The following SORCS2 variants were observed in gnomAD, a reference collection of about 807,000 sequenced individuals.
SORCS2 encodes the protein VPS10 domain-containing receptor SorCS2.
In SORCS2, 100 loss-of-function variants were observed where a neutral mutation model predicts 141.6. The observed-to-expected ratio is 0.71, with a 90% confidence interval of 0.60 to 0.83. The LOEUF is 0.83. Among genes scored for constraint, SORCS2 ranks in the 40% least tolerant of loss-of-function variants. SORCS2 has a pLI of 0.00. For missense variants in SORCS2, 1,646 were observed against 1,560.2 expected (o/e 1.05, Z -0.93); for synonymous variants, 789 against 676.9 (o/e 1.17, Z -2.57).
intron 1 of SORCS2, among the ~76,000 whole-genome samples, chr4:7,280,388 G>A (rs564852632): frequency 7.0e-4 from 107 of 152,350 alleles, no homozygotes; most frequent in Non-Finnish European, 1.3e-3. Flanking sequence ...AAATGCCAGG[G>A]TTTTGAAACT....
At chr4:7,672,029 C>T (rs970356002) in intron 8 of SORCS2, among the ~76,000 whole-genome samples, 2 of 151,654 alleles carry the variant, frequency 1.3e-5, no homozygotes, top group Non-Finnish European at 2.9e-5. Flanking sequence ...CTGCAACCTC[C>T]ACCTCCTGGG....
intron 1 of SORCS2, among the ~76,000 whole-genome samples, chr4:7,326,185 C>T (rs1719247635): frequency 6.6e-6 from 1 of 151,996 alleles, no homozygotes; most frequent in South Asian, 2.1e-4. Context: ...GGATGGGAGG[C>T]TCCAGGGGAG....
At chr4:7,699,652 G>A (rs1310835218) in intron 12 of SORCS2, among the ~76,000 whole-genome samples, 1 of 151,902 alleles carries the variant, frequency 6.6e-6, no homozygotes, top group East Asian at 2.0e-4. Flanking sequence ...CTGCAGCCAC[G>A]CCCTCAAAGG....
chr4:7,359,816 A>G (rs998510556), intron 1 of SORCS2, among the ~76,000 whole-genome samples: 7 of 152,228 alleles, frequency 4.6e-5, no homozygotes, highest in Non-Finnish European at 5.9e-5. Flanking sequence ...TGGGCCACTA[A>G]GAGGCAGCCC....
At chr4:7,696,965 T>C (rs1338858077) in intron 11 of SORCS2, among the ~76,000 whole-genome samples, 1 of 152,178 alleles carries the variant, frequency 6.6e-6, no homozygotes, top group Non-Finnish European at 1.5e-5. Context: ...GCTCCACCTG[T>C]CCCGGGCCTC....
intron 1 of SORCS2, among the ~76,000 whole-genome samples, chr4:7,348,946 TG>T (rs1409199302): frequency 6.6e-6 from 1 of 152,202 alleles, no homozygotes; most frequent in Non-Finnish European, 1.5e-5. Flanking sequence ...GAAACACATT[TG>T]GAGCATGATA....
intron 1 of SORCS2, among the ~76,000 whole-genome samples, chr4:7,303,764 T>C (rs1717601443): frequency 6.6e-6 from 1 of 152,258 alleles, no homozygotes. Context: ...GGAAAACACC[T>C]TCTAAGGCCA....
chr4:7,694,586 C>T (rs1038493589), intron 11 of SORCS2, among the ~76,000 whole-genome samples: 1 of 152,264 alleles, frequency 6.6e-6, no homozygotes, highest in Non-Finnish European at 1.5e-5. Flanking sequence ...CCCGGCTCCG[C>T]CTGTGATGCG....
chr4:7,714,187 T>TAG (rs1159244135), intron 15 of SORCS2, 53 bp from the exon 16 acceptor site: 18 of 1,575,724 alleles, frequency 1.1e-5, no homozygotes, highest in Non-Finnish European at 1.6e-5. Flanking sequence ...CAAGGCCTTG[T>TAG]AGAGCAGTTG....
intron 1 of SORCS2, among the ~76,000 whole-genome samples, chr4:7,269,391 A>T (rs968262282): frequency 3.3e-5 from 5 of 152,200 alleles, no homozygotes; most frequent in African/African-American, 1.2e-4. Context: ...GTGTCCTCCA[A>T]AAAGAGATGT....
chr4:7,371,139 G>A (rs371852772), intron 1 of SORCS2, among the ~76,000 whole-genome samples: 149 of 152,338 alleles, frequency 9.8e-4, no homozygotes, highest in African/African-American at 2.5e-3. Context: ...GGCACAGGAT[G>A]TTTGTCCAGA....
intron 1 of SORCS2, among the ~76,000 whole-genome samples, chr4:7,238,795 C>G (rs1712476011): frequency 6.6e-6 from 1 of 152,204 alleles, no homozygotes; most frequent in Non-Finnish European, 1.5e-5. Flanking sequence ...TGACCCCTGT[C>G]CGCCAGCTCC....
chr4:7,647,149 G>A (rs1021076458), intron 4 of SORCS2, among the ~76,000 whole-genome samples: 1 of 152,220 alleles, frequency 6.6e-6, no homozygotes, highest in African/African-American at 2.4e-5. Flanking sequence ...AGGCCTGGAG[G>A]TGAGAGAGCA....
At chr4:7,247,554 G>A (rs560225528) in intron 1 of SORCS2, among the ~76,000 whole-genome samples, 3 of 152,336 alleles carry the variant, frequency 2.0e-5, no homozygotes, top group African/African-American at 7.2e-5. Context: ...ATCTTCATGA[G>A]GACTATTCCT....
chr4:7,586,828 C>T (rs1338230117), intron 3 of SORCS2, among the ~76,000 whole-genome samples: 1 of 152,050 alleles, frequency 6.6e-6, no homozygotes, highest in Non-Finnish European at 1.5e-5. Flanking sequence ...AAACCTGTAT[C>T]TTCTTATATA....
chr4:7,506,838 A>C (rs1365424193), intron 2 of SORCS2, among the ~76,000 whole-genome samples: 2 of 152,226 alleles, frequency 1.3e-5, no homozygotes, highest in African/African-American at 4.8e-5. Flanking sequence ...TTGTCCCTCA[A>C]TACACAGATA....
At chr4:7,586,562 A>C (rs1265193511) in intron 3 of SORCS2, among the ~76,000 whole-genome samples, 1 of 152,112 alleles carries the variant, frequency 6.6e-6, no homozygotes, top group Non-Finnish European at 1.5e-5. Context: ...TCCTCCTTGT[A>C]AGTGAGAACA....
At chr4:7,734,213 G>T (rs908619197) in intron 24 of SORCS2, 59 bp from the exon 25 acceptor site, 2 of 1,310,840 alleles carry the variant, frequency 1.5e-6, no homozygotes, top group Non-Finnish European at 2.1e-6. Flanking sequence ...GATGGGCTGG[G>T]GATGGGACAG....
chr4:7,264,800 G>T (rs1012170626), intron 1 of SORCS2, among the ~76,000 whole-genome samples: 1 of 152,188 alleles, frequency 6.6e-6, no homozygotes, highest in African/African-American at 2.4e-5. Context: ...GACCCTGAGG[G>T]TGCAGGGGAG....
Sources: allele counts gnomAD v4.1 joint callset (sites outside exome capture counted in the v4.1 genomes callset), GRCh38; gene constraint gnomAD v4.1.1; transcripts MANE v1.5; gene names NCBI Gene and HGNC (gene_info 2026-07-23, HGNC 2026-07-21).